WWOX: variants seen among roughly 807,000 people sequenced by gnomAD.
WWOX encodes WW domain-containing oxidoreductase.
WWOX carries 69 observed loss-of-function variants against 46.2 expected under a neutral mutation model. The observed-to-expected ratio is 1.49, with a 90% CI of 1.23 to 1.82. The LOEUF (loss-of-function observed/expected upper bound fraction) is 1.82. Ranked by LOEUF, WWOX falls within the 40% of genes most tolerant of loss-of-function variation. The pLI is 0.00. For synonymous variants in WWOX, 359 were observed against 202.6 expected (o/e 1.77, Z -6.56); for missense variants, 919 against 542.6 (o/e 1.69, Z -6.89).
chr16:78,542,616 C>A (rs539610874), intron 8 of WWOX, among the ~76,000 whole-genome samples: 1 of 152,308 alleles, frequency 6.6e-6, no homozygotes, highest in Non-Finnish European at 1.5e-5. Context: ...CAGATCCACA[C>A]AGGAGGGATT....
intron 8 of WWOX, among the ~76,000 whole-genome samples, chr16:79,126,271 C>T (rs1481690213): frequency 5.3e-5 from 8 of 152,058 alleles, no homozygotes; most frequent in Non-Finnish European, 1.0e-4. Context: ...AGGGTAAGCA[C>T]CTAGTCAACA....
chr16:78,447,405 C>T (rs967082994), intron 8 of WWOX, among the ~76,000 whole-genome samples: 1 of 152,198 alleles, frequency 6.6e-6, no homozygotes, highest in African/African-American at 2.4e-5. Flanking sequence ...AGAAAATTGT[C>T]TTCCTTTTAC....
chr16:78,911,336 C>T (rs1372320092), intron 8 of WWOX, among the ~76,000 whole-genome samples: 2 of 152,032 alleles, frequency 1.3e-5, no homozygotes, highest in African/African-American at 4.8e-5. Flanking sequence ...CCATAAATCA[C>T]ATATTTGTAA....
intron 8 of WWOX, among the ~76,000 whole-genome samples, chr16:78,685,130 T>C (rs980982362): frequency 6.6e-6 from 1 of 152,196 alleles, no homozygotes; most frequent in Non-Finnish European, 1.5e-5. Flanking sequence ...TGCAGCGTGA[T>C]GTCTAGTCAG....
intron 8 of WWOX, among the ~76,000 whole-genome samples, chr16:78,559,472 A>C (rs896454689): frequency 6.6e-6 from 1 of 152,158 alleles, no homozygotes; most frequent in Non-Finnish European, 1.5e-5. Context: ...TCTCCAGCCA[A>C]TGGATTTATG....
intron 8 of WWOX, among the ~76,000 whole-genome samples, chr16:78,590,146 G>GTCTCTCTCTCC (rs1555569774): frequency 1.3e-5 from 2 of 149,618 alleles, no homozygotes; most frequent in African/African-American, 2.5e-5. Context: ...TAGGCATTCA[G>GTCTCTCTCTCC]TCTCTCTCTC....
Position 78,886,930 on chromosome 16 carries a change from C to T in WWOX, c.1057-324678C>T, listed in dbSNP as rs546669981. Among the ~76,000 whole-genome samples the T allele has an allele frequency of 3.9e-5, 6 of 152,110 alleles. No individual in the cohort carries two copies. The East Asian group carries it at 7.7e-4, about 20-fold the overall frequency. ...CGAACTAGTTCACCAAAGCTTCTAT[C>T]CTATGAAAGTGAATATAAAATTCTT... On this transcript the variant is annotated intron_variant, in intron 8 of 8. Coordinates refer to ENST00000566780, the MANE Select transcript of WWOX (RefSeq NM_016373.4).
intron 8 of WWOX, among the ~76,000 whole-genome samples, chr16:78,829,790 G>T (rs569162336): frequency 6.6e-6 from 1 of 152,256 alleles, no homozygotes; most frequent in Admixed American, 6.5e-5. Context: ...GCAGATTGTA[G>T]CCAAAATTGG....
At chr16:78,425,127 T>C in intron 7 of WWOX, 72 bp downstream of exon 7, 2 of 1,594,770 alleles carry the variant, frequency 1.3e-6, no homozygotes, top group Non-Finnish European at 1.7e-6. Flanking sequence ...AAGGCTCTCA[T>C]TCTGAAAATA....
At chr16:78,944,785 C>A (rs966684460) in intron 8 of WWOX, among the ~76,000 whole-genome samples, 1 of 152,178 alleles carries the variant, frequency 6.6e-6, no homozygotes, top group Non-Finnish European at 1.5e-5. Context: ...GAGCATGGCC[C>A]TGTAAGTGAA....
chr16:78,117,580 A>G (rs1215419469), intron 4 of WWOX, among the ~76,000 whole-genome samples: 1 of 152,170 alleles, frequency 6.6e-6, no homozygotes, highest in Non-Finnish European at 1.5e-5. Context: ...TAGCTTTTAT[A>G]TCCTGCGTGG....
At chr16:79,075,209 G>T (rs1483447183) in intron 8 of WWOX, among the ~76,000 whole-genome samples, 1 of 152,170 alleles carries the variant, frequency 6.6e-6, no homozygotes, top group Non-Finnish European at 1.5e-5. Context: ...CTTCCCAGGT[G>T]GTTCTGCTCA....
chr16:78,884,838 C>A (rs894129848), intron 8 of WWOX, among the ~76,000 whole-genome samples: 2 of 152,114 alleles, frequency 1.3e-5, no homozygotes, highest in Non-Finnish European at 2.9e-5. Flanking sequence ...TGGACAAATA[C>A]AAAATCATAT....
chr16:79,068,566 G>C (rs1382948183), intron 8 of WWOX, among the ~76,000 whole-genome samples: 2 of 152,006 alleles, frequency 1.3e-5, no homozygotes, highest in Non-Finnish European at 2.9e-5. Flanking sequence ...CGCTTTGGGA[G>C]GCTGAAGCAG....
intron 8 of WWOX, among the ~76,000 whole-genome samples, chr16:78,887,614 G>A (rs139329610): frequency 3.3e-5 from 5 of 151,964 alleles, no homozygotes; most frequent in South Asian, 4.1e-4. Context: ...AAATCCATCA[G>A]CCAATGTGTA....
At chr16:78,995,620 A>C (rs1468421215) in intron 8 of WWOX, among the ~76,000 whole-genome samples, 1 of 152,202 alleles carries the variant, frequency 6.6e-6, no homozygotes, top group African/African-American at 2.4e-5. Context: ...GCAAAACCGC[A>C]AACTGGCTTG....
chr16:78,443,224 G>A (rs2083485106), intron 8 of WWOX, among the ~76,000 whole-genome samples: 1 of 150,040 alleles, frequency 6.7e-6, no homozygotes, highest in Admixed American at 6.7e-5. Flanking sequence ...AAAATCACAT[G>A]AACCTGGGAG....
At chr16:78,381,324 T>A (rs2081952858) in intron 5 of WWOX, among the ~76,000 whole-genome samples, 1 of 152,348 alleles carries the variant, frequency 6.6e-6, no homozygotes, top group South Asian at 2.1e-4. Flanking sequence ...CAGGTTTCAG[T>A]ATATATAAAG....
chr16:79,092,798 C>T (rs1396754923), intron 8 of WWOX, among the ~76,000 whole-genome samples: 1 of 152,026 alleles, frequency 6.6e-6, no homozygotes, highest in Non-Finnish European at 1.5e-5. Flanking sequence ...TTCTATGGCT[C>T]CTTCATAAAC....
Sources: gnomAD v4.1 joint callset for allele counts (sites outside exome capture counted in the v4.1 genomes callset) on GRCh38, gnomAD v4.1.1 for gene constraint, MANE v1.5 for transcripts, NCBI Gene and HGNC (gene_info 2026-07-23, HGNC 2026-07-21) for gene names.